Variants in CMTM4 observed in about 807,000 individuals in gnomAD.
The protein encoded by CMTM4 is CKLF like MARVEL transmembrane domain containing 4.
Under a neutral mutation model 19.0 loss-of-function variants are expected in CMTM4, and 8 were observed. The ratio of observed to expected loss-of-function variants is 0.42; its 90% confidence interval spans 0.25 to 0.76. The LOEUF (loss-of-function observed/expected upper bound fraction) is 0.76. Among genes scored for constraint, CMTM4 ranks in the 30% least tolerant of loss-of-function variants. CMTM4 has a pLI of 0.27. For synonymous variants in CMTM4, 106 were observed against 121.1 expected, an observed-to-expected ratio of 0.88 and a Z score of 0.82; for missense variants, 228 against 290.2, an observed-to-expected ratio of 0.79 and a Z score of 1.56.
the CMTM4 span, among the ~76,000 whole-genome samples, chr16:66,603,434 CGGTGCCA>C: frequency 6.6e-6 from 1 of 151,878 alleles, no homozygotes; most frequent in Non-Finnish European, 1.5e-5. Flanking sequence ...ATTATAGGCA[CGGTGCCA>C]CCACGCCCAG....
At chr16:66,694,088 G>C (rs2017186802) in intron 1 of CMTM4, among the ~76,000 whole-genome samples, 1 of 151,520 alleles carries the variant, frequency 6.6e-6, no homozygotes, top group Non-Finnish European at 1.5e-5. Context: ...GAGAGAAAGA[G>C]AAAAGAGAAA....
At chr16:66,613,769 G>A (rs1348673525), downstream of CMTM4, 1 of 152,184 alleles carries the variant, frequency 6.6e-6, no homozygotes, top group South Asian at 2.1e-4. Context: ...GTGTGTGCTT[G>A]AAAAAACCAG....
intron 1 of CMTM4, among the ~76,000 whole-genome samples, chr16:66,680,945 A>T (rs776166530): frequency 5.9e-5 from 9 of 151,970 alleles, no homozygotes; most frequent in Non-Finnish European, 1.2e-4. Context: ...CAATAATCTC[A>T]CCCTTCTCAA....
chr16:66,622,072 G>A lies in CMTM4; in HGVS notation c.613C>T (p.Arg205Cys), dbSNP rs773632428. ...RDVDSRPEIQ[R>C]LDT is the part of the protein sequence containing the mutation. Reference sequence around the variant, plus strand: ...CAGGCAGGTCCTCACGTGTCCAGGCGCTGGATCTCAGGGCGACTGTCCACA... The same window carrying A: ...CAGGCAGGTCCTCACGTGTCCAGGCACTGGATCTCAGGGCGACTGTCCACA... Residue 205 changes from arginine to cysteine, a missense_variant, in exon 4 of 4, where the codon CGC (arginine) becomes TGC (cysteine). Arg to Cys is a radical substitution (Grantham distance 180). Coordinates refer to ENST00000394106, the MANE Select transcript of CMTM4 (RefSeq NM_181521.3). The surrounding 1 kb of genome is among the most constrained non-coding windows in gnomAD (Gnocchi z 4.0). The A allele has an allele frequency of 5.1e-6, 8 of 1,570,858 alleles. 1 individual carries two copies. The highest frequency in any genetic ancestry group is 4.6e-5 in the South Asian group (4 of 86,080).
intron 1 of CMTM4, among the ~76,000 whole-genome samples, chr16:66,650,713 CTT>C (rs1200866439): frequency 6.6e-6 from 1 of 152,202 alleles, no homozygotes; most frequent in African/African-American, 2.4e-5. Flanking sequence ...CCGCACACCT[CTT>C]AACACTTTGC....
intron 2 of CMTM4, among the ~76,000 whole-genome samples, chr16:66,635,066 AC>A (rs1240291017): frequency 1.3e-5 from 2 of 152,204 alleles, no homozygotes; most frequent in Non-Finnish European, 2.9e-5. Context: ...GCTGACCTTG[AC>A]CTTGACCCTG....
intron 1 of CMTM4, among the ~76,000 whole-genome samples, chr16:66,671,413 A>C (rs984900837): frequency 6.6e-6 from 1 of 152,202 alleles, no homozygotes. Context: ...GGGAGACAGA[A>C]AATTTGGAAG....
intron 1 of CMTM4, among the ~76,000 whole-genome samples, chr16:66,646,327 G>A (rs1567414488): frequency 2.6e-5 from 4 of 152,024 alleles, no homozygotes; most frequent in Admixed American, 1.3e-4. Flanking sequence ...CACTCCTGTC[G>A]TGTTTGAATA....
At chr16:66,687,955 G>A (rs995455541) in intron 1 of CMTM4, among the ~76,000 whole-genome samples, 4 of 152,038 alleles carry the variant, frequency 2.6e-5, no homozygotes, top group Non-Finnish European at 5.9e-5. Flanking sequence ...CCAGAGTGCT[G>A]GGATTACAGG....
At chr16:66,686,947 T>C (rs2017044916) in intron 1 of CMTM4, among the ~76,000 whole-genome samples, 1 of 152,166 alleles carries the variant, frequency 6.6e-6, no homozygotes, top group Non-Finnish European at 1.5e-5. Context: ...ATATGTAGCC[T>C]TTGGAAAGGA....
chr16:66,600,136 G>GTGGTTTTTTTTTTTTT, the CMTM4 span, among the ~76,000 whole-genome samples: 1 of 135,154 alleles, frequency 7.4e-6, no homozygotes, highest in Admixed American at 7.8e-5. Context: ...GTGTGTGTGT[G>GTGGTTTTTTTTTTTTT]TTTTTTTTTG....
At chr16:66,660,923 G>A (rs2016489144) in intron 1 of CMTM4, among the ~76,000 whole-genome samples, 3 of 152,080 alleles carry the variant, frequency 2.0e-5, no homozygotes, top group Admixed American at 6.6e-5. Flanking sequence ...GCCTGTCTCC[G>A]GAATCGCGTC....
chr16:66,690,303 G>T (rs1390665133), intron 1 of CMTM4, among the ~76,000 whole-genome samples: 1 of 152,160 alleles, frequency 6.6e-6, no homozygotes, highest in Non-Finnish European at 1.5e-5. Flanking sequence ...TTTGACCAGG[G>T]TCATTGTGTG....
intron 1 of CMTM4, among the ~76,000 whole-genome samples, chr16:66,669,900 ATTTG>A (rs1275087884): frequency 2.0e-5 from 3 of 152,166 alleles, no homozygotes; most frequent in African/African-American, 7.2e-5. Context: ...CCTTTATTAG[ATTTG>A]TTTAATTCAA....
intron 1 of CMTM4, among the ~76,000 whole-genome samples, chr16:66,662,820 G>A (rs879818384): frequency 1.3e-5 from 2 of 152,062 alleles, no homozygotes; most frequent in Non-Finnish European, 2.9e-5. Flanking sequence ...GAAAGAGGAA[G>A]CAAACCCATA....
intron 2 of CMTM4, among the ~76,000 whole-genome samples, chr16:66,632,656 G>C (rs954134883): frequency 2.0e-5 from 3 of 152,058 alleles, no homozygotes; most frequent in African/African-American, 7.2e-5. Flanking sequence ...TTTTGGGATG[G>C]GGGAGGATCA....
intron 1 of CMTM4, among the ~76,000 whole-genome samples, chr16:66,679,061 T>C (rs951140649): frequency 2.6e-5 from 4 of 151,034 alleles, no homozygotes; most frequent in Non-Finnish European, 5.9e-5. Flanking sequence ...ATCATGCCAC[T>C]GCGCTCCAGC....
At chr16:66,660,952 A>G (rs1273697205) in intron 1 of CMTM4, among the ~76,000 whole-genome samples, 1 of 152,150 alleles carries the variant, frequency 6.6e-6, no homozygotes, top group Non-Finnish European at 1.5e-5. Context: ...TCCCTGCTCT[A>G]TCCCTCCCGA....
At chr16:66,668,480 CT>C (rs1254930854) in intron 1 of CMTM4, among the ~76,000 whole-genome samples, 1 of 152,070 alleles carries the variant, frequency 6.6e-6, no homozygotes, top group Non-Finnish European at 1.5e-5. Context: ...TTAGAATATA[CT>C]AAAATTTTTT....
Sources: allele counts gnomAD v4.1 joint callset (sites outside exome capture counted in the v4.1 genomes callset), GRCh38; gene constraint gnomAD v4.1.1; non-coding constraint Gnocchi (gnomAD v3.1); transcripts MANE v1.5; gene names NCBI Gene and HGNC (gene_info 2026-07-23, HGNC 2026-07-21).